The following TSPAN1 variants were observed in gnomAD, a reference collection of about 807,000 sequenced individuals.
The protein encoded by TSPAN1 is tetraspanin-1.
A neutral mutation model predicts 26.9 loss-of-function variants in TSPAN1; 23 were observed. The ratio of observed to expected loss-of-function variants is 0.85; its 90% CI spans 0.62 to 1.21. The LOEUF (loss-of-function observed/expected upper bound fraction) is 1.21, where lower values mean the gene tolerates loss of function less well. TSPAN1 is among the 50% of genes most tolerant of loss of function. TSPAN1 has a pLI of 0.00. For missense variants in TSPAN1, 283 were observed against 298.4 expected (o/e 0.95, Z 0.38); for synonymous variants, 115 against 114.8 (o/e 1.00, Z -0.01).
At chr1:46,194,574 C>T in the TSPAN1 span, 3 of 1,614,168 alleles carry the variant, frequency 1.9e-6, no homozygotes, top group Non-Finnish European at 2.5e-6. Flanking sequence ...CTCAATGGCA[C>T]ATCTGTCTTC....
chr1:46,193,485 G>GGTC, the TSPAN1 span: 7 of 1,612,040 alleles, frequency 4.3e-6, no homozygotes, highest in Non-Finnish European at 5.1e-6. Flanking sequence ...TTGCCTGGGC[G>GGTC]GTCTCCCTTG....
rs1657167405 is a variant in TSPAN1 at position 46,176,438 on chromosome 1, GC to G, written c.-142+1031del. 2.0e-6 allele frequency: 3 copies of G among 1,535,638 alleles called. No individual in the cohort carries two copies. The African/African-American group carries it at 4.1e-5, about 21-fold the overall frequency. ...CGGTAGGGGGAACGCATGCCCTGGG[GC>G]CGAGGGCCACGGACAAGCCGAGATG... On this transcript the variant is annotated intron_variant, in intron 1 of 8. Coordinates refer to ENST00000372003, the MANE Select transcript of TSPAN1 (RefSeq NM_005727.4).
downstream of TSPAN1, chr1:46,190,529 G>T (rs1255591571): frequency 1.9e-6 from 3 of 1,600,206 alleles, no homozygotes; most frequent in Non-Finnish European, 2.6e-6. Flanking sequence ...TGAAGAGGAG[G>T]GAGAAATGGG....
chr1:46,189,527 C>G (rs371741722), downstream of TSPAN1: 3 of 1,613,264 alleles, frequency 1.9e-6, no homozygotes, highest in South Asian at 2.2e-5. Context: ...CCACAGGCCC[C>G]GATGGTTGCC....
At chr1:46,187,702 C>A (rs529795220), downstream of TSPAN1, among the ~76,000 whole-genome samples, 3 of 152,322 alleles carry the variant, frequency 2.0e-5, no homozygotes, top group South Asian at 4.1e-4. Context: ...TTGCCCAGGG[C>A]GGGCCTCTAC....
the TSPAN1 span, among the ~76,000 whole-genome samples, chr1:46,196,436 C>T: frequency 1.3e-5 from 2 of 152,312 alleles, no homozygotes; most frequent in South Asian, 4.1e-4. This position sits in a 1 kb window ranked among gnomAD's most constrained non-coding sequence, Gnocchi z 4.4. Context: ...AAGGCTGAGG[C>T]CAAAGAAAGG....
At chr1:46,192,861 A>C in the TSPAN1 span, 6 of 1,612,844 alleles carry the variant, frequency 3.7e-6, no homozygotes, top group African/African-American at 5.3e-5. Flanking sequence ...TTCCCTGCAG[A>C]CTGAGGGACC....
chr1:46,195,143 C>T, the TSPAN1 span, among the ~76,000 whole-genome samples: 3 of 152,226 alleles, frequency 2.0e-5, no homozygotes, highest in Non-Finnish European at 2.9e-5. Context: ...ATTCTAAGGT[C>T]ATCCAGCTAA....
Position 46,184,090 on chromosome 1 carries a change from A to G in TSPAN1, c.58-101A>G, listed in dbSNP as rs150195345. 200 of 1,291,504 alleles carry G rather than the reference A, an allele frequency of 1.5e-4. No individual in the cohort carries two copies. In the African/African-American group the frequency reaches 1.9e-3, roughly 12 times the overall value. 80.0% of individuals were successfully genotyped at this position (1,291,504 alleles called of 1,614,324 possible). ...TGAGGTTTTAGACTCCCTAGCCAAT[A>G]AAGAGGGAAGTTTCTCGGCTCCCAT... On this transcript the variant is annotated intron_variant, in intron 3 of 8. Transcript: ENST00000372003.
At chr1:46,192,521 G>A in the TSPAN1 span, 1 of 1,614,176 alleles carries the variant, frequency 6.2e-7, no homozygotes, top group Non-Finnish European at 8.5e-7. Context: ...AGCCTACCTG[G>A]TCATTCCAGG....
At chr1:46,193,479 C>T in the TSPAN1 span, 1 of 1,611,506 alleles carries the variant, frequency 6.2e-7, no homozygotes, top group South Asian at 1.1e-5. Context: ...CAGCCCTTGC[C>T]TGGGCGGTCT....
the TSPAN1 span, chr1:46,194,218 C>A: frequency 6.2e-7 from 1 of 1,613,626 alleles, no homozygotes; most frequent in Admixed American, 1.7e-5. Context: ...ATTCCTGGGG[C>A]CCCCCTGCTG....
chr1:46,195,160 C>A, the TSPAN1 span, among the ~76,000 whole-genome samples: 1 of 152,196 alleles, frequency 6.6e-6, no homozygotes, highest in African/African-American at 2.4e-5. Flanking sequence ...CTAATAAGTC[C>A]TTTCCACAAA....
rs1313186502 is a variant in TSPAN1 at position 46,177,349 on chromosome 1, AT to A, written c.-142+1941del. On this transcript the variant is annotated intron_variant, in intron 1 of 8. Transcript: ENST00000372003. Reference sequence around the variant, plus strand: ...AAACTCTGTCTCAAAAAAAAAAAAAATATATCTATCTATCTATCTATCTATC... The same window carrying A: ...AAACTCTGTCTCAAAAAAAAAAAAAAATATCTATCTATCTATCTATCTATC... 5.3e-4 allele frequency among the ~76,000 whole-genome samples: 49 copies of A among 91,662 alleles called. No individual in the cohort carries two copies. In the East Asian group the frequency reaches 9.4e-3, roughly 18 times the overall value. The allele number at this position is 91,662 out of a possible 152,430, so 60.1% of individuals were successfully genotyped here. A position where few individuals can be genotyped will look rare whatever the true frequency, so the allele number is the denominator to read the frequency against.
At chr1:46,188,767 G>T (rs1207495983), downstream of TSPAN1, 1 of 1,612,858 alleles carries the variant, frequency 6.2e-7, no homozygotes, top group South Asian at 1.1e-5. Flanking sequence ...GAGGAGGCCT[G>T]GTCCAGTGTC....
At chr1:46,183,850 A>C in intron 3 of TSPAN1, 3 of 393,920 alleles carry the variant, frequency 7.6e-6, no homozygotes, top group Non-Finnish European at 1.4e-5. Flanking sequence ...GAAAGGAAAT[A>C]GGAGGCTGGG....
intron 1 of TSPAN1, chr1:46,176,292 G>C (rs980322460): frequency 1.3e-6 from 2 of 1,535,788 alleles, no homozygotes; most frequent in Non-Finnish European, 1.7e-6. Context: ...CCATGGCCCT[G>C]GTGGCAGGAT....
At chr1:46,187,805 G>A (rs528846354), downstream of TSPAN1, among the ~76,000 whole-genome samples, 26 of 152,298 alleles carry the variant, frequency 1.7e-4, no homozygotes, top group South Asian at 5.0e-3. Context: ...TCAGGGTGGC[G>A]AGATATGTCC....
At position 46,184,588 on chromosome 1, in the gene TSPAN1, A is replaced by G; in HGVS notation, c.265-6A>G. 6.2e-7 allele frequency: 1 copy of G among 1,613,760 alleles called. No individual in the cohort carries two copies. The highest frequency in any genetic ancestry group is 8.5e-7 in the Non-Finnish European group (1 of 1,179,922). On this transcript the variant is annotated splice_polypyrimidine_tract_variant and splice_region_variant and intron_variant, in intron 4 of 8. Coordinates refer to ENST00000372003, the MANE Select transcript of TSPAN1 (RefSeq NM_005727.4). ...CCTAAAACCCAGACCCCTGTTCCCC[A>G]CTCAGTTCTTCTTCATCCTCCTCCT...
Sources: gnomAD v4.1 joint callset for allele counts (sites outside exome capture counted in the v4.1 genomes callset) on GRCh38, gnomAD v4.1.1 for gene constraint, Gnocchi (gnomAD v3.1) non-coding constraint, MANE v1.5 for transcripts, NCBI Gene and HGNC (gene_info 2026-07-23, HGNC 2026-07-21) for gene names.